Variants in ABTB2 observed in about 807,000 individuals in gnomAD.
ABTB2 encodes the protein ankyrin repeat and BTB/POZ domain-containing protein 2.
A neutral mutation model predicts 104.1 loss-of-function variants in ABTB2; 56 were observed. The observed-to-expected ratio is 0.54, with a 90% confidence interval of 0.43 to 0.67. ABTB2 has a LOEUF of 0.67. ABTB2 is among the 30% of genes least tolerant of loss of function. The pLI is 0.00. For missense variants in ABTB2, 1,279 were observed against 1,407.7 expected, an observed-to-expected ratio of 0.91 and a Z score of 1.46; for synonymous variants, 606 against 608.2, an observed-to-expected ratio of 1.00 and a Z score of 0.05.
chr11:34,311,406 C>G (rs1854851679), intron 1 of ABTB2, among the ~76,000 whole-genome samples: 1 of 152,226 alleles, frequency 6.6e-6, no homozygotes, highest in African/African-American at 2.4e-5. Context: ...CTGTCCTCAT[C>G]ATTACCCTCA....
intron 1 of ABTB2, among the ~76,000 whole-genome samples, chr11:34,250,563 C>T (rs1463340788): frequency 6.6e-6 from 1 of 152,212 alleles, no homozygotes; most frequent in Non-Finnish European, 1.5e-5. Context: ...CTAGGATAAG[C>T]TTTCTGCAGA....
At chr11:34,257,643 C>T (rs563145397) in intron 1 of ABTB2, among the ~76,000 whole-genome samples, 1 of 152,246 alleles carries the variant, frequency 6.6e-6, no homozygotes, top group Admixed American at 6.5e-5. Flanking sequence ...GGCTGGAGTG[C>T]AGTGGTGCAA....
At position 34,184,247 on chromosome 11, in the gene ABTB2, A is replaced by G. The variant is rs184583226; in HGVS notation, c.1245-10940T>C. Among the ~76,000 whole-genome samples, 30 of 152,270 alleles carry G rather than the reference A, an allele frequency of 2.0e-4. No individual in the cohort carries two copies. In the East Asian group the frequency reaches 5.4e-3, roughly 27 times the overall value. On this transcript the variant is annotated intron_variant, in intron 3 of 16. Coordinates refer to ENST00000435224, the MANE Select transcript of ABTB2 (RefSeq NM_145804.3). ...GCAAAGAGTTCTTTTCAGAAAAAAA[A>G]GGAAATAATTCCCCAGTAAAAAGAC...
chr11:34,234,180 T>C (rs1369745988), intron 1 of ABTB2, among the ~76,000 whole-genome samples: 1 of 151,890 alleles, frequency 6.6e-6, no homozygotes, highest in Non-Finnish European at 1.5e-5. Context: ...GGGGCAAGGG[T>C]AAGAGCGTCT....
At chr11:34,336,809 C>T (rs1020073557) in intron 1 of ABTB2, among the ~76,000 whole-genome samples, 1 of 151,998 alleles carries the variant, frequency 6.6e-6, no homozygotes, top group Non-Finnish European at 1.5e-5. Context: ...AAGATAACCC[C>T]CAAACTGGTA....
intron 1 of ABTB2, chr11:34,335,873 C>T (rs1855187686): frequency 3.1e-6 from 3 of 954,680 alleles, no homozygotes; most frequent in Non-Finnish European, 5.0e-6. Flanking sequence ...GGTAGAGCGG[C>T]CACATGAGAC....
At chr11:34,265,146 C>T (rs974926265) in intron 1 of ABTB2, among the ~76,000 whole-genome samples, 11 of 152,262 alleles carry the variant, frequency 7.2e-5, no homozygotes, top group Middle Eastern at 3.4e-3. Context: ...AAAATAGAAC[C>T]GAAGCAACAA....
intron 1 of ABTB2, among the ~76,000 whole-genome samples, chr11:34,263,825 C>A (rs1385010745): frequency 6.6e-6 from 1 of 152,152 alleles, no homozygotes; most frequent in African/African-American, 2.4e-5. Flanking sequence ...ATCAGGCATG[C>A]GCAAGACACT....
chr11:34,154,423 A>G lies in ABTB2; in HGVS notation c.2767-45T>C. 1 of 1,409,006 alleles carries G rather than the reference A, an allele frequency of 7.1e-7. No homozygotes were observed. Among genetic ancestry groups the G allele is most frequent in the Non-Finnish European group, 9.9e-7 (1 of 1,009,012 alleles). 87.3% of individuals were successfully genotyped at this position (1,409,006 alleles called of 1,614,324 possible). On this transcript the variant is annotated intron_variant, in intron 15 of 16. Coordinates refer to ENST00000435224, the MANE Select transcript of ABTB2 (RefSeq NM_145804.3). The surrounding 1 kb of genome is among the most constrained non-coding windows in gnomAD (Gnocchi z 4.9). The stretch of plus-strand genomic sequence containing the variant: ...GGTCTTGGGGACCCATGGCCAGACC[A>G]GTGGCCCAGACAGCACCGAACAGAA...
chr11:34,310,368 C>A (rs1854836059), intron 1 of ABTB2, among the ~76,000 whole-genome samples: 1 of 152,156 alleles, frequency 6.6e-6, no homozygotes, highest in African/African-American at 2.4e-5. Context: ...TCCCGATTCA[C>A]CTACCCCTCC....
At chr11:34,259,552 C>T (rs1292019656) in intron 1 of ABTB2, among the ~76,000 whole-genome samples, 5 of 152,210 alleles carry the variant, frequency 3.3e-5, no homozygotes, top group African/African-American at 1.2e-4. Context: ...GTATTCTCCT[C>T]TGGGTGATAT....
intron 1 of ABTB2, among the ~76,000 whole-genome samples, chr11:34,327,973 A>G (rs1855090500): frequency 6.6e-6 from 1 of 152,156 alleles, no homozygotes. Context: ...TTCTGCCTGT[A>G]CTCTGAAATG....
At chr11:34,195,930 C>A (rs1164452202) in intron 3 of ABTB2, among the ~76,000 whole-genome samples, 1 of 152,200 alleles carries the variant, frequency 6.6e-6, no homozygotes, top group Non-Finnish European at 1.5e-5. Flanking sequence ...ACTGCAGAGC[C>A]CCTGGGACTT....
intron 1 of ABTB2, among the ~76,000 whole-genome samples, chr11:34,218,769 C>T (rs1208266759): frequency 6.7e-6 from 1 of 148,542 alleles, no homozygotes; most frequent in Non-Finnish European, 1.5e-5. Context: ...TCACTTGAAC[C>T]CAGGAGGTGG....
chr11:34,173,679 G>T (rs530973422), intron 3 of ABTB2, among the ~76,000 whole-genome samples: 1 of 152,242 alleles, frequency 6.6e-6, no homozygotes, highest in South Asian at 2.1e-4. Context: ...TCCCCAGTGT[G>T]TGGAATTGGG....
At chr11:34,164,217 C>A (rs545497309) in intron 9 of ABTB2, among the ~76,000 whole-genome samples, 2 of 152,332 alleles carry the variant, frequency 1.3e-5, no homozygotes, top group South Asian at 4.1e-4. Context: ...TCCCGCCACA[C>A]CCCTGGGCAG....
At chr11:34,267,800 T>C (rs1014729064) in intron 1 of ABTB2, among the ~76,000 whole-genome samples, 4 of 89,244 alleles carry the variant, frequency 4.5e-5, no homozygotes, top group Non-Finnish European at 7.6e-5. Flanking sequence ...ACGGGGGTTT[T>C]TTGGGGTACC....
chr11:34,283,961 A>G (rs1049363801), intron 1 of ABTB2, among the ~76,000 whole-genome samples: 1 of 152,230 alleles, frequency 6.6e-6, no homozygotes, highest in Admixed American at 6.5e-5. Flanking sequence ...TGGTAAATCT[A>G]AAGGAGGGCT....
At chr11:34,231,779 G>A (rs547771165) in intron 1 of ABTB2, among the ~76,000 whole-genome samples, 3 of 152,156 alleles carry the variant, frequency 2.0e-5, no homozygotes, top group East Asian at 3.9e-4. Flanking sequence ...CCCCGCACCC[G>A]GCCGATAGTG....
Sources: allele counts gnomAD v4.1 joint callset (sites outside exome capture counted in the v4.1 genomes callset), GRCh38; gene constraint gnomAD v4.1.1; non-coding constraint Gnocchi (gnomAD v3.1); transcripts MANE v1.5; gene names NCBI Gene and HGNC (gene_info 2026-07-23, HGNC 2026-07-21).